The following ZFP42 variants were observed in gnomAD, a reference collection of about 807,000 sequenced individuals.
ZFP42 encodes zinc finger protein 42 homolog.
For missense variants in ZFP42, 438 were observed against 377.1 expected, an observed-to-expected ratio of 1.16 and a Z score of -1.34; for synonymous variants, 175 against 144.6, an observed-to-expected ratio of 1.21 and a Z score of -1.51.
chr4:188,003,197 G>A lies in ZFP42; in HGVS notation c.390G>A (p.Glu130=). The part of the protein sequence containing the change: ...LEYMKKGVKK[E]LPQKIVGENS... ...ACATGAAAAAAGGGGTAAAGAAAGA[G>A]CTTCCACAAAAGATAGTTGGAGAGA... The change falls in exon 4 of 4, where the codon GAG becomes GAA. Residue 130 remains glutamate (E), a synonymous_variant. Transcript: ENST00000326866. The A allele has an allele frequency of 6.2e-7, 1 of 1,613,880 alleles. No individual in the cohort carries two copies. The highest frequency in any genetic ancestry group is 2.2e-5 in the East Asian group (1 of 44,884).
At position 187,999,238 on chromosome 4, in the gene ZFP42, C is replaced by A; in HGVS notation, c.-208C>A. The A allele has an allele frequency of 6.6e-6, 1 of 152,270 alleles. No homozygotes were observed. The allele number at this position is 152,270 out of a possible 1,614,324, so 9.4% of individuals were successfully genotyped here. A position where few individuals can be genotyped will look rare whatever the true frequency, so the allele number is the denominator to read the frequency against. ...GCAAACCCACCCCACTCACGGCCTC[C>A]CTTGGGAATTCAGACCTAACCATCG... is the stretch of plus-strand genomic sequence containing the variant. On this transcript the variant is annotated 5_prime_UTR_variant, in exon 2 of 4. Transcript: ENST00000326866.
At position 187,998,062 on chromosome 4, in the gene ZFP42, C is replaced by A. The variant is rs148468761; in HGVS notation, c.-338-1046C>A. On this transcript the variant is annotated intron_variant, in intron 1 of 3. Coordinates refer to ENST00000326866, the MANE Select transcript of ZFP42 (RefSeq NM_174900.5). ...TTTATAAAGTTAAAAAGAGTCTGGG[C>A]GCGGTGGCTCACGCCTGTAATCCCA... is the stretch of plus-strand genomic sequence containing the variant. Among the ~76,000 whole-genome samples, 490 of 152,224 alleles carry A rather than the reference C, an allele frequency of 3.2e-3. 4 individuals are homozygous for A. The highest frequency in any genetic ancestry group is 0.01 in the African/African-American group (434 of 41,546).
rs190239728 is a variant in ZFP42, at chr4:188,000,841, G to A, written c.-96+1156G>A. Among the ~76,000 whole-genome samples, 426 of 150,570 alleles carry A rather than the reference G, an allele frequency of 2.8e-3. 2 individuals carry two copies. Among genetic ancestry groups the A allele is most frequent in the African/African-American group, 0.01 (414 of 40,860 alleles). ...TACTAAAAAATAACACAAATTAGCT[G>A]GGTGTGGTGGCGGGGCGGGGGGGCG... On this transcript the variant is annotated intron_variant, in intron 3 of 3. Transcript: ENST00000326866.
intron 3 of ZFP42, among the ~76,000 whole-genome samples, chr4:188,001,451 G>T (rs2111183305): frequency 6.6e-6 from 1 of 152,254 alleles, no homozygotes; most frequent in South Asian, 2.1e-4. Context: ...CTTTATTTTG[G>T]CATGGATTCC....
chr4:187,997,083 G>A (rs1219210501), intron 1 of ZFP42, among the ~76,000 whole-genome samples: 1 of 151,268 alleles, frequency 6.6e-6, no homozygotes, highest in Non-Finnish European at 1.5e-5. Flanking sequence ...CCGGCAGCCT[G>A]GAACCAGCAG....
rs746841063 is a variant in ZFP42, at chr4:188,003,372, G to C, written c.565G>C (p.Ala189Pro). 14 of 1,614,084 alleles carry C rather than the reference G, an allele frequency of 8.7e-6. No individual in the cohort carries two copies. In the East Asian group the frequency reaches 2.7e-4, roughly 31 times the overall value. ...NKEYDSLSAI[A>P]CPQSGCTRKL... ...AGAATATGACAGTCTGAGCGCAATCGCTTGTCCTCAGAGTGGATGCACTAG... is the reference window on the plus strand; with the variant it reads ...AGAATATGACAGTCTGAGCGCAATCCCTTGTCCTCAGAGTGGATGCACTAG... The change falls in exon 4 of 4, where the codon GCT (alanine) becomes CCT (proline). Residue 189 changes from alanine to proline, a missense_variant. By Grantham distance (27) the Ala-to-Pro change is conservative. Transcript: ENST00000326866.
At chr4:187,997,035 G>GGAGCATGGAGCA (rs1733614298) in intron 1 of ZFP42, among the ~76,000 whole-genome samples, 6 of 85,778 alleles carry the variant, frequency 7.0e-5, no homozygotes, top group Non-Finnish European at 1.4e-4. Flanking sequence ...AGCATGGAGC[G>GGAGCATGGAGCA]TGGAGCATGG....
chr4:188,003,833 A>T lies in ZFP42; in HGVS notation c.*93A>T, dbSNP rs1344507066. On this transcript the variant is annotated 3_prime_UTR_variant, in exon 4 of 4. Coordinates refer to ENST00000326866, the MANE Select transcript of ZFP42 (RefSeq NM_174900.5). ...TTTCTAGGAAGGAATTTCTAAATCA[A>T]TATTGCAACCCCAAAAGCGGTTATA... The T allele has an allele frequency of 7.7e-7, 1 of 1,303,830 alleles. No individual in the cohort carries two copies. The highest frequency in any genetic ancestry group is 1.0e-6 in the Non-Finnish European group (1 of 958,786). 80.8% of individuals were successfully genotyped at this position (1,303,830 alleles called of 1,614,324 possible). A position where few individuals can be genotyped will look rare whatever the true frequency, so the allele number is the denominator to read the frequency against.
chr4:187,996,845 A>G (rs906209449), intron 1 of ZFP42, among the ~76,000 whole-genome samples: 3 of 152,236 alleles, frequency 2.0e-5, no homozygotes, highest in Admixed American at 1.3e-4. Flanking sequence ...TCTAACCTAA[A>G]AAAACTTGCT....
intron 3 of ZFP42, 66 bp from the exon 4 acceptor site, chr4:188,002,647 G>A (rs145147928): frequency 0.023 from 14,795 of 642,656 alleles, 273 homozygotes; most frequent in Middle Eastern, 0.039. Context: ...TGTGTCTTAG[G>A]TCATTTTTTG....
intron 1 of ZFP42, among the ~76,000 whole-genome samples, chr4:187,997,519 T>G (rs775649430): frequency 4.6e-5 from 7 of 151,682 alleles, no homozygotes; most frequent in Admixed American, 2.0e-4. Context: ...GAGCCACCGC[T>G]CCCGGTCCCA....
chr4:188,003,713 GAAC>G lies in ZFP42; in HGVS notation c.909_911del (p.Asn303del), dbSNP rs1560917018. Reference sequence around the variant, plus strand: ...CCCACATCCTAACGCATGCAAATACGAACAAGAATGAACAAGAGGGAAAGTAGT... The same window carrying G: ...CCCACATCCTAACGCATGCAAATACGAAGAATGAACAAGAGGGAAAGTAGT... On this transcript the variant is annotated inframe_deletion, in exon 4 of 4. Coordinates refer to ENST00000326866, the MANE Select transcript of ZFP42 (RefSeq NM_174900.5). 2 of 1,611,132 alleles carry G rather than the reference GAAC, an allele frequency of 1.2e-6. No homozygotes were observed. The highest frequency in any genetic ancestry group is 4.5e-5 in the East Asian group (2 of 44,808).
At chr4:187,998,758 C>A (rs967523900) in intron 1 of ZFP42, among the ~76,000 whole-genome samples, 2 of 152,110 alleles carry the variant, frequency 1.3e-5, no homozygotes, top group Non-Finnish European at 2.9e-5. Flanking sequence ...CTGTGCCATT[C>A]GGGTCTGCGT....
Position 188,003,231 on chromosome 4 carries a change from G to T in ZFP42, c.424G>T (p.Glu142Ter), listed in dbSNP as rs1435339183. Residue 142 changes from glutamate to a stop codon, truncating the protein, a stop_gained, in exon 4 of 4, where the codon GAG (glutamate) becomes TAG (stop). Coordinates refer to ENST00000326866, the MANE Select transcript of ZFP42 (RefSeq NM_174900.5). LOFTEE classifies it low-confidence loss of function (END_TRUNC). ...PQKIVGENSL[E>*]YSEYMTGKKL... ...AAAGATAGTTGGAGAGAATTCGCTT[G>T]AGTATTCTGAGTACATGACAGGCAA... 2 of 1,614,056 alleles carry T rather than the reference G, an allele frequency of 1.2e-6. No individual in the cohort carries two copies. The highest frequency in any genetic ancestry group is 2.2e-5 in the South Asian group (2 of 91,082).
chr4:188,001,542 G>A (rs1733822191), intron 3 of ZFP42, among the ~76,000 whole-genome samples: 1 of 152,070 alleles, frequency 6.6e-6, no homozygotes, highest in South Asian at 2.1e-4. Flanking sequence ...GCACACGATG[G>A]CCCATGGGCC....
chr4:188,003,224 T>C lies in ZFP42; in HGVS notation c.417T>C (p.Asn139=), dbSNP rs752276092. The C allele has an allele frequency of 2.5e-5, 40 of 1,613,846 alleles. No homozygotes were observed. In the South Asian group the frequency reaches 3.7e-4, roughly 15 times the overall value. The change falls in exon 4 of 4, where the codon AAT becomes AAC. Residue 139 remains asparagine, a synonymous_variant. Transcript: ENST00000326866. ...TTCCACAAAAGATAGTTGGAGAGAATTCGCTTGAGTATTCTGAGTACATGA... is the reference window on the plus strand; with the variant it reads ...TTCCACAAAAGATAGTTGGAGAGAACTCGCTTGAGTATTCTGAGTACATGA... ...KELPQKIVGE[N]SLEYSEYMTG...
At chr4:188,002,157 A>G (rs1733849766) in intron 3 of ZFP42, among the ~76,000 whole-genome samples, 1 of 152,196 alleles carries the variant, frequency 6.6e-6, no homozygotes, top group Non-Finnish European at 1.5e-5. Context: ...AGCCTGGGCG[A>G]CAGAGTGAGA....
At chr4:187,996,368 T>C (rs1733563871) in intron 1 of ZFP42, among the ~76,000 whole-genome samples, 1 of 152,224 alleles carries the variant, frequency 6.6e-6, no homozygotes, top group South Asian at 2.1e-4. Context: ...TGGAGTGCAA[T>C]GGCGCGATCT....
In ZFP42 at chr4:188,003,574, T is replaced by A. The variant is rs1196284351; in HGVS notation, c.767T>A (p.Phe256Tyr). 3 of 1,613,466 alleles carry A rather than the reference T, an allele frequency of 1.9e-6. No individual in the cohort carries two copies. Among genetic ancestry groups the A allele is most frequent in the Non-Finnish European group, 1.7e-6 (2 of 1,180,056 alleles). Residue 256 changes from phenylalanine (F) to tyrosine (Y), a missense_variant, in exon 4 of 4, where the codon TTC becomes TAC. Transcript: ENST00000326866. ...RCTFEGCGKRFSLDFNLRTHV... is the reference protein window; with the variant it reads ...RCTFEGCGKRYSLDFNLRTHV... ...ACTTTTGAAGGGTGCGGAAAGCGCT[T>A]CTCTCTGGACTTTAATTTGCGTACG...
Sources: allele counts gnomAD v4.1 joint callset (sites outside exome capture counted in the v4.1 genomes callset), GRCh38; gene constraint gnomAD v4.1.1; transcripts MANE v1.5; gene names NCBI Gene and HGNC (gene_info 2026-07-23, HGNC 2026-07-21).